Variants in E2F5 observed in about 807,000 individuals in gnomAD.
The protein encoded by E2F5 is E2F transcription factor 5, also known as transcription factor E2F5.
Under a neutral mutation model 39.1 loss-of-function variants are expected in E2F5, and 23 were observed. The ratio of observed to expected loss-of-function variants is 0.59; its 90% confidence interval spans 0.42 to 0.83. The LOEUF (loss-of-function observed/expected upper bound fraction) is 0.83. Ranked by LOEUF, E2F5 falls within the 40% of genes least tolerant of loss-of-function variation. The probability of loss-of-function intolerance (pLI) is 0.00; values close to 1 mark genes in which losing one functional copy is unlikely to be tolerated. For synonymous variants in E2F5, 145 were observed against 157.8 expected, an observed-to-expected ratio of 0.92 and a Z score of 0.61; for missense variants, 365 against 406.7, an observed-to-expected ratio of 0.90 and a Z score of 0.88.
chr8:85,178,974 T>A (rs1812144685), intron 1 of E2F5, among the ~76,000 whole-genome samples: 1 of 152,244 alleles, frequency 6.6e-6, no homozygotes, highest in Non-Finnish European at 1.5e-5. Flanking sequence ...ATTTTCTTTT[T>A]GATATGTTAT....
intron 6 of E2F5, among the ~76,000 whole-genome samples, 186 bp downstream of exon 6, chr8:85,209,595 C>A (rs1388845948): frequency 6.6e-6 from 1 of 152,222 alleles, no homozygotes; most frequent in Non-Finnish European, 1.5e-5. Flanking sequence ...TCATTTGTTT[C>A]ATACACACCT....
Position 85,213,760 on chromosome 8 carries a change from T to A in E2F5, c.939T>A (p.Pro313=). 6.2e-7 allele frequency: 1 copy of A among 1,605,908 alleles called. No homozygotes were observed. Among genetic ancestry groups the A allele is most frequent in the Non-Finnish European group, 8.5e-7 (1 of 1,174,622 alleles). Residue 313 remains proline, a synonymous_variant, in exon 8 of 8, where the codon CCT becomes CCA. Coordinates refer to ENST00000416274, the MANE Select transcript of E2F5 (RefSeq NM_001951.4). ...TTTGTTTTTTGTTCGCAGTGTTTCC[T>A]CTCTTAAGGCTTTCTCCTACCCCGG... ...IDELMSSDVF[P]LLRLSPTPAD...
At chr8:85,209,438 TAG>T in intron 6 of E2F5, 29 bp downstream of exon 6, 1 of 1,557,786 alleles carries the variant, frequency 6.4e-7, no homozygotes, top group Non-Finnish European at 8.7e-7. Context: ...TTTTGTAAAT[TAG>T]AGAGGGAGAA....
intron 1 of E2F5, among the ~76,000 whole-genome samples, chr8:85,183,410 C>A (rs936225637): frequency 6.6e-6 from 1 of 152,056 alleles, no homozygotes; most frequent in African/African-American, 2.4e-5. Context: ...GGTGTATACC[C>A]AAAGAATTGA....
rs1554684819 is a variant in E2F5, at chr8:85,213,794, T to G, written c.973T>G (p.Tyr325Asp). ...GCTTTCTCCTACCCCGGCAGATGACTACAACTTTAATTTAGATGATAACGA... is the reference window on the plus strand; with the variant it reads ...GCTTTCTCCTACCCCGGCAGATGACGACAACTTTAATTTAGATGATAACGA... ...LRLSPTPADDYNFNLDDNEGV... is the reference protein window; with the variant it reads ...LRLSPTPADDDNFNLDDNEGV... Residue 325 changes from tyrosine (Y) to aspartate (D), a missense_variant, in exon 8 of 8, where the codon TAC becomes GAC. Physicochemically the swap from Tyr to Asp is radical, Grantham distance 160. Coordinates refer to ENST00000416274, the MANE Select transcript of E2F5 (RefSeq NM_001951.4). The G allele has an allele frequency of 6.2e-7, 1 of 1,613,438 alleles. No individual in the cohort carries two copies. Among genetic ancestry groups the G allele is most frequent in the South Asian group, 1.1e-5 (1 of 91,026 alleles).
At chr8:85,210,940 A>G (rs1812903054) in intron 6 of E2F5, among the ~76,000 whole-genome samples, 1 of 152,236 alleles carries the variant, frequency 6.6e-6, no homozygotes, top group Non-Finnish European at 1.5e-5. Context: ...AAACCAGTGA[A>G]GATCTGTGAC....
At chr8:85,180,645 T>C (rs1438398347) in intron 1 of E2F5, among the ~76,000 whole-genome samples, 1 of 136,752 alleles carries the variant, frequency 7.3e-6, no homozygotes, top group Admixed American at 7.4e-5. Flanking sequence ...TGGCGCAATC[T>C]CGGCTCACTG....
chr8:85,198,371 C>CA (rs1812625157), intron 1 of E2F5, among the ~76,000 whole-genome samples: 1 of 152,096 alleles, frequency 6.6e-6, no homozygotes. Flanking sequence ...CTGGAGACCC[C>CA]ACAGTTCCCT....
At chr8:85,192,919 A>C (rs1812494731) in intron 1 of E2F5, among the ~76,000 whole-genome samples, 1 of 152,196 alleles carries the variant, frequency 6.6e-6, no homozygotes, top group East Asian at 1.9e-4. Context: ...TGGGACAATA[A>C]TATTACCTAC....
chr8:85,185,016 A>G (rs1018216623), intron 1 of E2F5, among the ~76,000 whole-genome samples: 2 of 152,216 alleles, frequency 1.3e-5, no homozygotes, highest in African/African-American at 2.4e-5. Context: ...AAACTACTTC[A>G]AACTTCATAG....
At chr8:85,180,792 G>T (rs1276622142) in intron 1 of E2F5, among the ~76,000 whole-genome samples, 11 of 151,192 alleles carry the variant, frequency 7.3e-5, no homozygotes, top group African/African-American at 2.7e-4. Flanking sequence ...TGTTAGCCAG[G>T]ATGGTCTCGA....
chr8:85,195,127 G>C (rs1299780856), intron 1 of E2F5, among the ~76,000 whole-genome samples: 1 of 151,880 alleles, frequency 6.6e-6, no homozygotes, highest in Non-Finnish European at 1.5e-5. Flanking sequence ...GCTTACGTCT[G>C]TAATCCCAGC....
intron 1 of E2F5, among the ~76,000 whole-genome samples, chr8:85,184,100 A>T (rs1276334367): frequency 6.6e-6 from 1 of 152,186 alleles, no homozygotes; most frequent in Non-Finnish European, 1.5e-5. Flanking sequence ...CATATAACTG[A>T]TGAACGTCGA....
chr8:85,185,685 A>G (rs182416562), intron 1 of E2F5, among the ~76,000 whole-genome samples: 19 of 152,334 alleles, frequency 1.2e-4, no homozygotes, highest in Admixed American at 2.6e-4. Flanking sequence ...AACCCCATCA[A>G]AAAGTGGGCA....
chr8:85,209,116 T>C, intron 5 of E2F5, 26 bp from the exon 6 acceptor site: 2 of 1,604,540 alleles, frequency 1.2e-6, no homozygotes, highest in Non-Finnish European at 1.7e-6. Flanking sequence ...TAATTATACA[T>C]TTGTTTATAC....
intron 7 of E2F5, chr8:85,212,648 G>A (rs1170209235): frequency 6.5e-6 from 1 of 153,056 alleles, no homozygotes; most frequent in East Asian, 1.9e-4. Context: ...ATATCAGTTA[G>A]CTACAATATG....
rs1425967026 is a variant in E2F5, at chr8:85,214,020, A to C, written c.*158A>C. On this transcript the variant is annotated 3_prime_UTR_variant, in exon 8 of 8. Transcript: ENST00000416274. ...TACTTTCTTTACTTCACAAAACTTC[A>C]ACCATAAAAACAAAGGGCTCTGATT... The C allele has an allele frequency of 1.7e-6, 1 of 601,002 alleles. No individual in the cohort carries two copies. Among genetic ancestry groups the C allele is most frequent in the African/African-American group, 1.9e-5 (1 of 53,664 alleles). The allele number at this position is 601,002 out of a possible 1,614,324, so 37.2% of individuals were successfully genotyped here. A position where few individuals can be genotyped will look rare whatever the true frequency, so the allele number is the denominator to read the frequency against.
intron 1 of E2F5, among the ~76,000 whole-genome samples, chr8:85,201,051 G>A (rs1812687240): frequency 6.6e-6 from 1 of 152,212 alleles, no homozygotes; most frequent in South Asian, 2.1e-4. Context: ...GTGTCTGAGA[G>A]AACTGACATT....
At chr8:85,195,655 A>G (rs959971147) in intron 1 of E2F5, among the ~76,000 whole-genome samples, 8 of 151,814 alleles carry the variant, frequency 5.3e-5, no homozygotes, top group African/African-American at 1.9e-4. Flanking sequence ...TTGTCTGGCT[A>G]ATTTTTTTAA....
Sources: gnomAD v4.1 joint callset for allele counts (sites outside exome capture counted in the v4.1 genomes callset) on GRCh38, gnomAD v4.1.1 for gene constraint, MANE v1.5 for transcripts, NCBI Gene and HGNC (gene_info 2026-07-23, HGNC 2026-07-21) for gene names.